The following RALYL variants were observed in gnomAD, a reference collection of about 807,000 sequenced individuals.
The protein encoded by RALYL is RNA-binding Raly-like protein.
RALYL carries 29 observed loss-of-function variants against 35.1 expected under a neutral mutation model. That is an observed-to-expected ratio of 0.83 (90% CI 0.61 to 1.13). The LOEUF (loss-of-function observed/expected upper bound fraction) is 1.13, where lower values mean the gene tolerates loss of function less well. RALYL is among the 50% of genes most tolerant of loss of function. The pLI is 0.00. For synonymous variants in RALYL, 120 were observed against 127.6 expected (o/e 0.94, Z 0.40); for missense variants, 359 against 360.4 (o/e 1.00, Z 0.03).
chr8:84,732,296 T>C (rs1468979365), intron 2 of RALYL, among the ~76,000 whole-genome samples: 1 of 152,144 alleles, frequency 6.6e-6, no homozygotes, highest in Non-Finnish European at 1.5e-5. Context: ...GAACCATGAA[T>C]GATTAATAGC....
intron 2 of RALYL, among the ~76,000 whole-genome samples, chr8:84,763,481 A>C (rs1431469337): frequency 6.6e-6 from 1 of 152,180 alleles, no homozygotes; most frequent in Admixed American, 6.6e-5. Flanking sequence ...TGTGATTTTT[A>C]GTCTTGATTT....
At chr8:84,407,045 C>A (rs1290638892) in intron 1 of RALYL, among the ~76,000 whole-genome samples, 2 of 149,176 alleles carry the variant, frequency 1.3e-5, no homozygotes, top group Non-Finnish European at 3.0e-5. Flanking sequence ...TACACACACA[C>A]ACTCACACAC....
At chr8:84,438,998 A>G (rs910984282) in intron 1 of RALYL, among the ~76,000 whole-genome samples, 1 of 151,754 alleles carries the variant, frequency 6.6e-6, no homozygotes, top group East Asian at 1.9e-4. Flanking sequence ...GCCTTATAGT[A>G]TAGTTTGAAT....
At chr8:84,732,234 C>T (rs911093932) in intron 2 of RALYL, among the ~76,000 whole-genome samples, 1 of 152,004 alleles carries the variant, frequency 6.6e-6, no homozygotes, top group Non-Finnish European at 1.5e-5. Context: ...CTCTTTTATG[C>T]TGAGAATTTA....
chr8:84,756,617 C>T (rs1007180997), intron 2 of RALYL, among the ~76,000 whole-genome samples: 9 of 152,062 alleles, frequency 5.9e-5, no homozygotes, highest in Admixed American at 1.3e-4. Context: ...ATTTATACAA[C>T]GTCACCTGCT....
intron 1 of RALYL, among the ~76,000 whole-genome samples, chr8:84,453,879 G>A (rs1019979138): frequency 2.0e-5 from 3 of 151,952 alleles, no homozygotes; most frequent in Non-Finnish European, 2.9e-5. Flanking sequence ...GCAAAATGTT[G>A]CCTACCATTT....
chr8:84,535,214 G>A (rs1244277622), intron 2 of RALYL, among the ~76,000 whole-genome samples: 3 of 152,256 alleles, frequency 2.0e-5, no homozygotes, highest in East Asian at 1.9e-4. Context: ...AATGAACTTA[G>A]TCTATATCAC....
At chr8:84,586,832 TCTA>T (rs1218939624) in intron 2 of RALYL, among the ~76,000 whole-genome samples, 1 of 152,216 alleles carries the variant, frequency 6.6e-6, no homozygotes, top group Non-Finnish European at 1.5e-5. Context: ...GTTCTTTTCT[TCTA>T]CTTGGACCAA....
chr8:84,295,836 A>G (rs575589568), intron 1 of RALYL, among the ~76,000 whole-genome samples: 148 of 152,226 alleles, frequency 9.7e-4, no homozygotes, highest in Non-Finnish European at 1.6e-3. Flanking sequence ...AATACTGTTT[A>G]TTCTTCCTAA....
At chr8:84,301,387 A>G (rs1298204096) in intron 1 of RALYL, among the ~76,000 whole-genome samples, 2 of 152,118 alleles carry the variant, frequency 1.3e-5, no homozygotes, top group East Asian at 3.8e-4. Flanking sequence ...TTATAGCATC[A>G]CACAGGAGGT....
intron 1 of RALYL, among the ~76,000 whole-genome samples, chr8:84,412,821 T>G (rs1271865491): frequency 6.6e-6 from 1 of 151,944 alleles, no homozygotes; most frequent in Non-Finnish European, 1.5e-5. Context: ...CACAAGGAAC[T>G]GGGCTCAAGT....
chr8:84,581,276 A>G (rs1235604098), intron 2 of RALYL, among the ~76,000 whole-genome samples: 1 of 152,218 alleles, frequency 6.6e-6, no homozygotes, highest in Non-Finnish European at 1.5e-5. Context: ...CTTAGGGGTC[A>G]GAATTTTAGA....
intron 2 of RALYL, among the ~76,000 whole-genome samples, chr8:84,722,272 A>G (rs921336157): frequency 1.3e-5 from 2 of 152,060 alleles, no homozygotes; most frequent in Non-Finnish European, 2.9e-5. Flanking sequence ...TATATTCTGG[A>G]CTTGGTAATT....
chr8:84,757,290 T>C (rs1811651721), intron 2 of RALYL, among the ~76,000 whole-genome samples: 2 of 152,140 alleles, frequency 1.3e-5, no homozygotes, highest in South Asian at 4.1e-4. Context: ...TACTGGAGTT[T>C]CCTTGAGATT....
intron 2 of RALYL, among the ~76,000 whole-genome samples, chr8:84,610,954 A>G (rs1420813986): frequency 6.6e-6 from 1 of 152,036 alleles, no homozygotes; most frequent in Non-Finnish European, 1.5e-5. Context: ...CAGTTTGGAT[A>G]TTTCCTACTC....
At chr8:84,573,481 CT>C (rs555083489) in intron 2 of RALYL, among the ~76,000 whole-genome samples, 1 of 151,648 alleles carries the variant, frequency 6.6e-6, no homozygotes, top group Admixed American at 6.6e-5. Context: ...TCAAAATTTT[CT>C]TTTTTTCACT....
At chr8:84,367,288 T>C (rs12547216) in intron 1 of RALYL, among the ~76,000 whole-genome samples, 76,660 of 123,150 alleles carry the variant, frequency 0.62, 24,231 homozygotes, top group African/African-American at 0.8. Context: ...GGATTACAAG[T>C]GCCTGCCATC....
intron 2 of RALYL, among the ~76,000 whole-genome samples, chr8:84,718,326 T>C (rs1304057839): frequency 6.6e-6 from 1 of 152,234 alleles, no homozygotes; most frequent in African/African-American, 2.4e-5. Context: ...CTTAAGGTTT[T>C]ATTAGTTGCT....
intron 1 of RALYL, among the ~76,000 whole-genome samples, chr8:84,312,160 C>T (rs993155214): frequency 2.0e-5 from 3 of 152,012 alleles, no homozygotes; most frequent in Non-Finnish European, 4.4e-5. Context: ...CTGACATGTA[C>T]CAAACAAGCA....
Sources: allele counts gnomAD v4.1 joint callset (sites outside exome capture counted in the v4.1 genomes callset), GRCh38; gene constraint gnomAD v4.1.1; transcripts MANE v1.5; gene names NCBI Gene and HGNC (gene_info 2026-07-23, HGNC 2026-07-21).